The following UBE4B variants were observed in gnomAD, a reference collection of about 807,000 sequenced individuals.
UBE4B encodes the protein ubiquitin conjugation factor E4 B.
UBE4B carries 27 observed loss-of-function variants against 148.1 expected under a neutral mutation model. That is an observed-to-expected ratio of 0.18 (90% confidence interval 0.13 to 0.25). The LOEUF is 0.25. Ranked by LOEUF, UBE4B falls within the 10% of genes least tolerant of loss-of-function variation. The pLI is 1.00. For synonymous variants in UBE4B, 596 were observed against 619.3 expected (o/e 0.96, Z 0.56); for missense variants, 1,170 against 1,662.4 (o/e 0.70, Z 5.15).
intron 17 of UBE4B, among the ~76,000 whole-genome samples, chr1:10,142,229 CCCAT>C (rs1645794159): frequency 6.6e-6 from 1 of 152,060 alleles, no homozygotes; most frequent in African/African-American, 2.4e-5. Flanking sequence ...ATCCCAGAGC[CCCAT>C]TTTTTTCATG....
At chr1:10,171,434 G>A in intron 25 of UBE4B, 105 bp downstream of exon 25, 1 of 1,385,130 alleles carries the variant, frequency 7.2e-7, no homozygotes, top group East Asian at 2.3e-5. Flanking sequence ...TGAGTGGGTT[G>A]TTTTCCTTTG....
At chr1:10,103,399 CTTTATTTATTTATTTATTTATTTATTTA>C (rs149354050) in intron 5 of UBE4B, among the ~76,000 whole-genome samples, 3 of 135,532 alleles carry the variant, frequency 2.2e-5, no homozygotes, top group African/African-American at 2.7e-5. Flanking sequence ...ATTACCTCCT[CTTTATTTATTTATTTATTTATTTATTTA>C]TTTATTTATT....
chr1:10,168,124 G>C lies in UBE4B; in HGVS notation c.3199-12G>C, dbSNP rs373702532. On this transcript the variant is annotated splice_polypyrimidine_tract_variant and intron_variant, in intron 23 of 27. Transcript: ENST00000343090. The surrounding 1 kb of genome is among the most constrained non-coding windows in gnomAD (Gnocchi z 4.9). Reference sequence around the variant, plus strand: ...ACCGAGCCTTACTCAGCGTCTGTTCGATGTGTCCTAGGATCAGCAGCAGGC... The same window carrying C: ...ACCGAGCCTTACTCAGCGTCTGTTCCATGTGTCCTAGGATCAGCAGCAGGC... 4.3e-6 allele frequency: 7 copies of C among 1,610,638 alleles called. No individual in the cohort carries two copies. The African/African-American group carries it at 6.7e-5, about 15-fold the overall frequency.
intron 12 of UBE4B, among the ~76,000 whole-genome samples, 172 bp from the exon 13 acceptor site, chr1:10,130,328 A>C (rs897151308): frequency 2.8e-4 from 43 of 151,534 alleles, no homozygotes; most frequent in Non-Finnish European, 5.3e-4. Context: ...ACCCCCACCC[A>C]CACTGGCCTC....
intron 2 of UBE4B, among the ~76,000 whole-genome samples, chr1:10,086,767 G>A (rs1209428277): frequency 6.6e-6 from 1 of 151,814 alleles, no homozygotes; most frequent in Admixed American, 6.6e-5. Context: ...TGATCTCACT[G>A]CAGCCTCTGC....
chr1:10,146,521 A>C (rs1645875744), intron 18 of UBE4B, among the ~76,000 whole-genome samples: 1 of 152,174 alleles, frequency 6.6e-6, no homozygotes, highest in African/African-American at 2.4e-5. Context: ...ATGTGTGTGT[A>C]ATTCTGTCAA....
intron 17 of UBE4B, among the ~76,000 whole-genome samples, chr1:10,142,610 G>C (rs182484657): frequency 8.5e-5 from 13 of 152,164 alleles, no homozygotes; most frequent in African/African-American, 3.1e-4. Flanking sequence ...GACGGAGGTT[G>C]CAGTGAGCTG....
Position 10,135,011 on chromosome 1 carries a change from A to G in UBE4B, c.2049A>G (p.Thr683=). 6.2e-7 allele frequency: 1 copy of G among 1,614,190 alleles called. No homozygotes were observed. The highest frequency in any genetic ancestry group is 8.5e-7 in the Non-Finnish European group (1 of 1,180,020). ...QMQTDDRLVS[T]DGFMLNFLWV... is the part of the protein sequence containing the mutation. ...AGACAGATGATAGATTGGTGTCTAC[A>G]GATGGATTTATGCTGAATTTCCTTT... Residue 683 remains threonine, a synonymous_variant, in exon 16 of 28, where the codon ACA becomes ACG. Coordinates refer to ENST00000343090, the MANE Select transcript of UBE4B (RefSeq NM_001105562.3).
Position 10,171,055 on chromosome 1 carries a change from G to C in UBE4B, c.3334-83G>C, listed in dbSNP as rs1291695329. 2.1e-6 allele frequency: 3 copies of C among 1,417,596 alleles called. No individual in the cohort carries two copies. In the East Asian group the frequency reaches 6.9e-5, roughly 33 times the overall value. The allele number at this position is 1,417,596 out of a possible 1,614,324, so 87.8% of individuals were successfully genotyped here. A position where few individuals can be genotyped will look rare whatever the true frequency, so the allele number is the denominator to read the frequency against. On this transcript the variant is annotated intron_variant, in intron 24 of 27. Transcript: ENST00000343090. ...TTGAAGATTAATCCAACCAATTCCT[G>C]TTCCTCCACTGAAATGGGAGTTTTT...
At chr1:10,057,544 G>A (rs1470426275) in intron 1 of UBE4B, among the ~76,000 whole-genome samples, 2 of 150,298 alleles carry the variant, frequency 1.3e-5, no homozygotes, top group African/African-American at 4.9e-5. Flanking sequence ...AGCCTCCTGA[G>A]TAGGCACACA....
In UBE4B at chr1:10,130,488, T is replaced by A; in HGVS notation, c.1696-12T>A. ...TTCAGCGGCTTGACTGGCTCTTCCATCTTCTGCCTAGGTTGCTTCTTTGCG... is the reference window on the plus strand; with the variant it reads ...TTCAGCGGCTTGACTGGCTCTTCCAACTTCTGCCTAGGTTGCTTCTTTGCG... On this transcript the variant is annotated splice_polypyrimidine_tract_variant and intron_variant, in intron 12 of 27. Transcript: ENST00000343090. 6.2e-7 allele frequency: 1 copy of A among 1,613,266 alleles called. No individual in the cohort carries two copies.
At chr1:10,078,370 C>T (rs1406396242) in intron 2 of UBE4B, among the ~76,000 whole-genome samples, 2 of 152,148 alleles carry the variant, frequency 1.3e-5, no homozygotes, top group South Asian at 2.1e-4. Flanking sequence ...AGTACTTGGT[C>T]ATGGGAATGC....
chr1:10,096,121 TA>T (rs567535140), intron 3 of UBE4B, among the ~76,000 whole-genome samples: 5 of 152,068 alleles, frequency 3.3e-5, no homozygotes, highest in South Asian at 4.1e-4. Flanking sequence ...TGTAGTCAGT[TA>T]AAAAAAATCT....
chr1:10,090,106 A>T (rs1308781614), intron 2 of UBE4B, among the ~76,000 whole-genome samples: 1 of 150,268 alleles, frequency 6.7e-6, no homozygotes, highest in African/African-American at 2.5e-5. Flanking sequence ...GTTAGGAATC[A>T]GGCAGCCTGT....
intron 3 of UBE4B, among the ~76,000 whole-genome samples, chr1:10,096,425 C>CT (rs1049488135): frequency 6.6e-6 from 1 of 151,996 alleles, no homozygotes; most frequent in African/African-American, 2.4e-5. Flanking sequence ...TGTCAGTGGG[C>CT]TAAACAGATG....
intron 16 of UBE4B, 21 bp from the exon 17 acceptor site, chr1:10,137,046 G>C: frequency 6.2e-7 from 1 of 1,613,722 alleles, no homozygotes; most frequent in Non-Finnish European, 8.5e-7. Context: ...TTTATTTAGG[G>C]AATGATGTTA....
intron 14 of UBE4B, among the ~76,000 whole-genome samples, chr1:10,131,884 C>A (rs1432231945): frequency 6.6e-6 from 1 of 151,546 alleles, no homozygotes; most frequent in African/African-American, 2.4e-5. Context: ...AACCGGGAGG[C>A]GGAGGTTGCA....
Position 10,161,219 on chromosome 1 carries a change from C to T in UBE4B, c.3131C>T (p.Ser1044Phe). ...TTFLLDESLE[S>F]LKRIHEVQEE... is the part of the protein sequence containing the mutation. ...TTTTTGCTCGATGAAAGTCTGGAGT[C>T]TCTGAAGCGAATCCATGAAGTGCAG... The change falls in exon 23 of 28, where the codon TCT becomes TTT. Residue 1044 changes from serine (S) to phenylalanine (F), a missense_variant. Coordinates refer to ENST00000343090, the MANE Select transcript of UBE4B (RefSeq NM_001105562.3). The surrounding 1 kb of genome is among the most constrained non-coding windows in gnomAD (Gnocchi z 4.1). 6.2e-7 allele frequency: 1 copy of T among 1,614,142 alleles called. No individual in the cohort carries two copies. Among genetic ancestry groups the T allele is most frequent in the Non-Finnish European group, 8.5e-7 (1 of 1,180,030 alleles).
intron 5 of UBE4B, among the ~76,000 whole-genome samples, chr1:10,103,825 A>G (rs1335411119): frequency 1.3e-5 from 2 of 151,742 alleles, no homozygotes; most frequent in Non-Finnish European, 2.9e-5. Flanking sequence ...ACAGGGTTTC[A>G]CCATGTTGGC....
Sources: gnomAD v4.1 joint callset for allele counts (sites outside exome capture counted in the v4.1 genomes callset) on GRCh38, gnomAD v4.1.1 for gene constraint, Gnocchi (gnomAD v3.1) non-coding constraint, MANE v1.5 for transcripts, NCBI Gene and HGNC (gene_info 2026-07-23, HGNC 2026-07-21) for gene names.